Variants in NGF observed in about 807,000 individuals in gnomAD.
The protein encoded by NGF is nerve growth factor.
In NGF, 4 loss-of-function variants were observed where a neutral mutation model predicts 12.8. The ratio of observed to expected loss-of-function variants is 0.31; its 90% CI spans 0.15 to 0.72. NGF has a LOEUF of 0.72. Ranked by LOEUF, NGF falls within the 30% of genes least tolerant of loss-of-function variation. The pLI is 0.69. For synonymous variants in NGF, 140 were observed against 130.0 expected, an observed-to-expected ratio of 1.08 and a Z score of -0.52; for missense variants, 283 against 330.8, an observed-to-expected ratio of 0.86 and a Z score of 1.12.
At chr1:115,326,314 G>T (rs181249736) in intron 1 of NGF, among the ~76,000 whole-genome samples, 2 of 152,138 alleles carry the variant, frequency 1.3e-5, no homozygotes, top group Admixed American at 1.3e-4. Context: ...TCAGGCATTC[G>T]TTTGTGTTCA....
chr1:115,332,880 A>C (rs562479230), intron 1 of NGF, among the ~76,000 whole-genome samples: 1 of 152,192 alleles, frequency 6.6e-6, no homozygotes, highest in Non-Finnish European at 1.5e-5. Context: ...CCCACTTGGC[A>C]TCACTCATAC....
chr1:115,321,414 C>T (rs1395517750), intron 1 of NGF, among the ~76,000 whole-genome samples: 1 of 152,010 alleles, frequency 6.6e-6, no homozygotes, highest in Non-Finnish European at 1.5e-5. Flanking sequence ...GGGTTTTTTT[C>T]CTTCTTTTTT....
intron 1 of NGF, among the ~76,000 whole-genome samples, chr1:115,322,608 G>A (rs2101049382): frequency 6.6e-6 from 1 of 152,306 alleles, no homozygotes; most frequent in South Asian, 2.1e-4. Context: ...AGATGACAGA[G>A]GAGCTAGCAA....
At chr1:115,330,476 T>G (rs558526981) in intron 1 of NGF, among the ~76,000 whole-genome samples, 20 of 152,214 alleles carry the variant, frequency 1.3e-4, no homozygotes, top group Non-Finnish European at 2.2e-4. Flanking sequence ...GGTGTTGTGG[T>G]GACTCTATCA....
Position 115,286,386 on chromosome 1 carries a change from T to C in NGF, c.410A>G (p.Asp137Gly). The C allele has an allele frequency of 6.2e-7, 1 of 1,613,884 alleles. No individual in the cohort carries two copies. Among genetic ancestry groups the C allele is most frequent in the Non-Finnish European group, 8.5e-7 (1 of 1,179,982 alleles). The change falls in exon 3 of 3, where the codon GAC (aspartate) becomes GGC (glycine). Residue 137 changes from aspartate to glycine, a missense_variant. Coordinates refer to ENST00000369512, the MANE Select transcript of NGF (RefSeq NM_002506.3). Reference protein sequence around the residue: ...IFHRGEFSVCDSVSVWVGDKT... With the variant: ...IFHRGEFSVCGSVSVWVGDKT... The stretch of plus-strand genomic sequence containing the variant: ...ATCCCCAACCCACACGCTGACACTG[T>C]CACACACCGAGAATTCGCCCCTGTG...
chr1:115,307,979 G>A (rs1021083875), intron 1 of NGF, among the ~76,000 whole-genome samples: 7 of 152,216 alleles, frequency 4.6e-5, no homozygotes, highest in African/African-American at 1.4e-4. Context: ...AGGACACAAG[G>A]ACAACATTAG....
intron 1 of NGF, among the ~76,000 whole-genome samples, chr1:115,312,875 C>T (rs1654371351): frequency 6.6e-6 from 1 of 152,178 alleles, no homozygotes; most frequent in Non-Finnish European, 1.5e-5. Flanking sequence ...TTTCTTTACT[C>T]AGAGCTCTCC....
chr1:115,329,507 T>C (rs1654857377), intron 1 of NGF, among the ~76,000 whole-genome samples: 1 of 152,176 alleles, frequency 6.6e-6, no homozygotes, highest in African/African-American at 2.4e-5. Context: ...TTTTTTTGAC[T>C]ATGACTTATA....
chr1:115,337,256 G>GTTTTTTTTTTTTTTT (rs1364127314), intron 1 of NGF, among the ~76,000 whole-genome samples: 2 of 27,200 alleles, frequency 7.4e-5, no homozygotes, highest in Admixed American at 2.7e-4. Flanking sequence ...AATTTTTTTT[G>GTTTTTTTTTTTTTTT]TTTTGTTTTT....
At chr1:115,296,787 G>C (rs555569718) in intron 1 of NGF, among the ~76,000 whole-genome samples, 1 of 152,332 alleles carries the variant, frequency 6.6e-6, no homozygotes, top group South Asian at 2.1e-4. Flanking sequence ...TCATGCTGAT[G>C]AAGGTTGAGG....
At chr1:115,322,817 G>T (rs1654668963) in intron 1 of NGF, among the ~76,000 whole-genome samples, 1 of 152,164 alleles carries the variant, frequency 6.6e-6, no homozygotes, top group African/African-American at 2.4e-5. Flanking sequence ...ACGACCTTCT[G>T]CATTCCTTGC....
chr1:115,292,243 C>T (rs1460655014), intron 2 of NGF, among the ~76,000 whole-genome samples: 1 of 152,030 alleles, frequency 6.6e-6, no homozygotes, highest in East Asian at 1.9e-4. Flanking sequence ...AGAGAGGCAT[C>T]GACAGAGTAA....
At chr1:115,335,863 G>A (rs1655096843) in intron 1 of NGF, among the ~76,000 whole-genome samples, 1 of 152,170 alleles carries the variant, frequency 6.6e-6, no homozygotes. Context: ...CTCCATCAAT[G>A]AGCAGCAGGA....
chr1:115,302,570 A>G lies in NGF; in HGVS notation c.-136-8820T>C, dbSNP rs1380540095. Among the ~76,000 whole-genome samples the G allele has an allele frequency of 2.0e-5, 3 of 152,230 alleles. No individual in the cohort carries two copies. In the East Asian group the frequency reaches 5.8e-4, roughly 29 times the overall value. On this transcript the variant is annotated intron_variant, in intron 1 of 2. Transcript: ENST00000369512. ...ATGAGGGTGGAGACTGCACGGTGAT[A>G]ATGGAAACCATTTGTTAGCATTTCA...
chr1:115,289,019 C>T (rs185676548), intron 2 of NGF, among the ~76,000 whole-genome samples: 2 of 152,322 alleles, frequency 1.3e-5, no homozygotes, highest in Non-Finnish European at 2.9e-5. Flanking sequence ...ATTCTTTTCT[C>T]TTTGGTTTCT....
intron 2 of NGF, among the ~76,000 whole-genome samples, chr1:115,291,738 A>C (rs749749345): frequency 1.3e-5 from 2 of 152,234 alleles, no homozygotes; most frequent in Non-Finnish European, 2.9e-5. Context: ...AATGATCTTC[A>C]AAGATTCTGG....
At position 115,337,272 on chromosome 1, in the gene NGF, T is replaced by G. The variant is rs1481704880; in HGVS notation, c.-137+932A>C. Among the ~76,000 whole-genome samples, 294 of 52,052 alleles carry G rather than the reference T, an allele frequency of 5.6e-3. 28 individuals carry two copies. The highest frequency in any genetic ancestry group is 0.013 in the East Asian group (8 of 634). The allele number at this position is 52,052 out of a possible 152,430, so 34.1% of individuals were successfully genotyped here. On this transcript the variant is annotated intron_variant, in intron 1 of 2. Coordinates refer to ENST00000369512, the MANE Select transcript of NGF (RefSeq NM_002506.3). ...ATTTTTTTTGTTTTGTTTTTGTTTTTTTTTTTTTTTTTTTTTTTTTTTTTT... is the reference window on the plus strand; with the variant it reads ...ATTTTTTTTGTTTTGTTTTTGTTTTGTTTTTTTTTTTTTTTTTTTTTTTTT...
chr1:115,315,703 G>A (rs1345186677), intron 1 of NGF, among the ~76,000 whole-genome samples: 1 of 152,196 alleles, frequency 6.6e-6, no homozygotes, highest in Non-Finnish European at 1.5e-5. Flanking sequence ...AGTTAGGGGA[G>A]AGGTCAAGGG....
At chr1:115,321,732 G>T (rs1364229815) in intron 1 of NGF, among the ~76,000 whole-genome samples, 4 of 152,086 alleles carry the variant, frequency 2.6e-5, no homozygotes, top group Admixed American at 2.0e-4. Flanking sequence ...GGTCATAAAA[G>T]AATCTGCCTG....
Sources: gnomAD v4.1 joint callset for allele counts (sites outside exome capture counted in the v4.1 genomes callset) on GRCh38, gnomAD v4.1.1 for gene constraint, MANE v1.5 for transcripts, NCBI Gene and HGNC (gene_info 2026-07-23, HGNC 2026-07-21) for gene names.